Variants in ZBTB38 observed in about 807,000 individuals in gnomAD.
The protein encoded by ZBTB38 is zinc finger and BTB domain containing 38.
In ZBTB38, 20 loss-of-function variants were observed where a neutral mutation model predicts 76.8. That is an observed-to-expected ratio of 0.26 (90% confidence interval 0.18 to 0.38). The LOEUF is 0.38. Among genes scored for constraint, ZBTB38 ranks in the 10% least tolerant of loss-of-function variants. The pLI is 1.00. For synonymous variants in ZBTB38, 504 were observed against 544.2 expected (o/e 0.93, Z 1.03); for missense variants, 1,082 against 1,482.3 (o/e 0.73, Z 4.43).
At chr3:141,419,550 C>T (rs766438245) in intron 5 of ZBTB38, among the ~76,000 whole-genome samples, 2 of 152,178 alleles carry the variant, frequency 1.3e-5, no homozygotes, top group African/African-American at 2.4e-5. Context: ...GGACTGAAAA[C>T]CCGACCTTTC....
chr3:141,411,577 AGGAAGCGGAG>A (rs762114079), intron 5 of ZBTB38, among the ~76,000 whole-genome samples: 23 of 152,206 alleles, frequency 1.5e-4, no homozygotes, highest in Non-Finnish European at 2.8e-4. Flanking sequence ...GACCACTTTG[AGGAAGCGGAG>A]GCAAGAAGAT....
rs772787961 is a variant in ZBTB38 at position 141,445,401 on chromosome 3, C to T, written c.3013C>T (p.Leu1005Phe). Residue 1005 changes from leucine to phenylalanine, a missense_variant, in exon 6 of 6, where the codon CTT (leucine) becomes TTT (phenylalanine). This residue lies in a region of ZBTB38 where 471 missense variants were observed against 581.0 expected (regional missense o/e 0.81). Coordinates refer to ENST00000321464, the MANE Select transcript of ZBTB38 (RefSeq NM_001376113.1). This position sits in a 1 kb window ranked among gnomAD's most constrained non-coding sequence, Gnocchi z 6.5. Reference sequence around the variant, plus strand: ...AAACCAAGGAAGGCCCCACCGACATCTTACTTCTCGGCCATATGCCTGCGA... The same window carrying T: ...AAACCAAGGAAGGCCCCACCGACATTTTACTTCTCGGCCATATGCCTGCGA... Reference protein sequence around the residue: ...AGNQGRPHRHLTSRPYACELC... With the variant: ...AGNQGRPHRHFTSRPYACELC... The T allele has an allele frequency of 2.5e-6, 4 of 1,614,178 alleles. No individual in the cohort carries two copies. Among genetic ancestry groups the T allele is most frequent in the Admixed American group, 3.3e-5 (2 of 60,028 alleles).
chr3:141,371,172 C>G (rs1944550088), intron 2 of ZBTB38, among the ~76,000 whole-genome samples: 2 of 149,712 alleles, frequency 1.3e-5, no homozygotes, highest in Admixed American at 6.6e-5. Flanking sequence ...ACTGCCTCAG[C>G]CTCCTGAGTA....
At chr3:141,346,403 C>T (rs1330433305) in intron 1 of ZBTB38, among the ~76,000 whole-genome samples, 2 of 152,136 alleles carry the variant, frequency 1.3e-5, no homozygotes, top group East Asian at 3.9e-4. Flanking sequence ...GAAATTTCCT[C>T]GTGAGCCACT....
intron 2 of ZBTB38, among the ~76,000 whole-genome samples, chr3:141,378,775 A>G (rs1945774059): frequency 6.6e-6 from 1 of 152,200 alleles, no homozygotes; most frequent in Non-Finnish European, 1.5e-5. Flanking sequence ...ATGGAATCAA[A>G]GCTCAAGTAT....
intron 5 of ZBTB38, chr3:141,432,343 T>C: frequency 1.1e-6 from 1 of 909,698 alleles, no homozygotes; most frequent in Non-Finnish European, 1.3e-6. Flanking sequence ...AGAAAGTTGC[T>C]CTGTCGATTC....
intron 4 of ZBTB38, chr3:141,387,967 T>A (rs1446769707): frequency 6.6e-6 from 1 of 152,132 alleles, no homozygotes; most frequent in Non-Finnish European, 1.5e-5. Flanking sequence ...ATATGACTTT[T>A]AAAAAAACAA....
At position 141,368,804 on chromosome 3, in the gene ZBTB38, A is replaced by T. The variant is rs1294241210; in HGVS notation, c.-310A>T. 1 of 151,942 alleles carries T rather than the reference A, an allele frequency of 6.6e-6. No homozygotes were observed. The highest frequency in any genetic ancestry group is 1.5e-5 in the Non-Finnish European group (1 of 67,984). 9.4% of individuals were successfully genotyped at this position (151,942 alleles called of 1,614,324 possible). A position where few individuals can be genotyped will look rare whatever the true frequency, so the allele number is the denominator to read the frequency against. ...GGTTTCAGAGGAGCCAGCGCCTCCG[A>T]GTAAGTGAAGGCCCACTTTTGGCCC... On this transcript the variant is annotated splice_region_variant and 5_prime_UTR_variant, in exon 1 of 6. Coordinates refer to ENST00000321464, the MANE Select transcript of ZBTB38 (RefSeq NM_001376113.1).
At chr3:141,335,140 TG>T (rs1347575158) in intron 1 of ZBTB38, among the ~76,000 whole-genome samples, 1 of 152,214 alleles carries the variant, frequency 6.6e-6, no homozygotes, top group Non-Finnish European at 1.5e-5. Flanking sequence ...TGCATATCCC[TG>T]GAAAGGGTGC....
At chr3:141,386,062 T>G (rs1220942988) in intron 3 of ZBTB38, 3 of 152,264 alleles carry the variant, frequency 2.0e-5, no homozygotes, top group Non-Finnish European at 4.4e-5. Context: ...TCTTACAGTA[T>G]GTACTATCTA....
intron 5 of ZBTB38, chr3:141,405,742 G>A (rs1026060529): frequency 3.9e-5 from 6 of 152,192 alleles, no homozygotes; most frequent in South Asian, 2.1e-4. Context: ...TGTGAATGCT[G>A]TACAGCATAC....
chr3:141,328,488 T>C (rs1036568286), intron 1 of ZBTB38, among the ~76,000 whole-genome samples: 1 of 152,200 alleles, frequency 6.6e-6, no homozygotes, highest in African/African-American at 2.4e-5. Context: ...CTGAACTTCT[T>C]GTCCATCCCA....
chr3:141,370,319 A>C (rs924480126), intron 2 of ZBTB38, among the ~76,000 whole-genome samples: 1 of 152,212 alleles, frequency 6.6e-6, no homozygotes, highest in African/African-American at 2.4e-5. Flanking sequence ...AAAAGTGCAC[A>C]TGGGAGTTTT....
At chr3:141,414,718 T>G (rs973191017) in intron 5 of ZBTB38, among the ~76,000 whole-genome samples, 3 of 152,202 alleles carry the variant, frequency 2.0e-5, no homozygotes, top group Non-Finnish European at 4.4e-5. Context: ...GAGGCTAACC[T>G]GGATGGCATC....
chr3:141,444,999 C>G lies in ZBTB38; in HGVS notation c.2611C>G (p.Gln871Glu). 6.2e-7 allele frequency: 1 copy of G among 1,614,144 alleles called. No individual in the cohort carries two copies. Among genetic ancestry groups the G allele is most frequent in the Non-Finnish European group, 8.5e-7 (1 of 1,180,026 alleles). The change falls in exon 6 of 6, where the codon CAG (glutamine) becomes GAG (glutamate). Residue 871 changes from glutamine to glutamate, a missense_variant. Coordinates refer to ENST00000321464, the MANE Select transcript of ZBTB38 (RefSeq NM_001376113.1). The surrounding 1 kb of genome is among the most constrained non-coding windows in gnomAD (Gnocchi z 5.1). ...AGGGAGAAGACCCAAGTATCAGATG[C>G]AGGAGGAGCCTTTGCCACAGGGGAA... ...KRGRRPKYQM[Q>E]EEPLPQGNDP...
At chr3:141,433,572 A>T (rs925132915) in intron 5 of ZBTB38, among the ~76,000 whole-genome samples, 3 of 152,206 alleles carry the variant, frequency 2.0e-5, no homozygotes, top group Non-Finnish European at 4.4e-5. Context: ...CTGATGGAAA[A>T]TGACTGTGAT....
At position 141,448,441 on chromosome 3, in the gene ZBTB38, T is replaced by C. The variant is rs1430235835; in HGVS notation, c.*2465T>C. ...GCCGTTTTAAGACAGCCTTGTCACA[T>C]TTTTTTGTTAATTGTGAAAATTTTA... On this transcript the variant is annotated 3_prime_UTR_variant, in exon 6 of 6. Transcript: ENST00000321464. 1 of 152,556 alleles carries C rather than the reference T, an allele frequency of 6.6e-6. No homozygotes were observed. The highest frequency in any genetic ancestry group is 1.5e-5 in the Non-Finnish European group (1 of 68,008). 9.5% of individuals were successfully genotyped at this position (152,556 alleles called of 1,614,324 possible).
intron 2 of ZBTB38, among the ~76,000 whole-genome samples, chr3:141,381,164 C>T (rs924939881): frequency 6.6e-6 from 1 of 152,144 alleles, no homozygotes; most frequent in African/African-American, 2.4e-5. Context: ...TAGGAATGGG[C>T]ACTCAAGGTC....
chr3:141,372,355 A>G (rs537705230), intron 2 of ZBTB38, among the ~76,000 whole-genome samples: 1 of 152,246 alleles, frequency 6.6e-6, no homozygotes, highest in East Asian at 1.9e-4. Flanking sequence ...AGCTAATGAT[A>G]AGACCAGGTT....
Sources: gnomAD v4.1 joint callset for allele counts (sites outside exome capture counted in the v4.1 genomes callset) on GRCh38, gnomAD v4.1.1 for gene constraint, gnomAD v4.1.1 regional missense constraint, Gnocchi (gnomAD v3.1) non-coding constraint, MANE v1.5 for transcripts, NCBI Gene and HGNC (gene_info 2026-07-23, HGNC 2026-07-21) for gene names.